Variants in ERC2 observed in about 807,000 individuals in gnomAD.
The protein encoded by ERC2 is ERC protein 2.
Under a neutral mutation model 114.8 loss-of-function variants are expected in ERC2, and 42 were observed. That is an observed-to-expected ratio of 0.37 (90% CI 0.29 to 0.47). ERC2 has a LOEUF of 0.47. ERC2 is among the 20% of genes least tolerant of loss of function. The pLI, the probability that ERC2 is intolerant of heterozygous loss-of-function variation, is 0.99. For missense variants in ERC2, 939 were observed against 1,150.7 expected (o/e 0.82, Z 2.66); for synonymous variants, 454 against 425.5 (o/e 1.07, Z -0.82).
intron 3 of ERC2, among the ~76,000 whole-genome samples, chr3:56,264,901 G>A (rs566687710): frequency 4.7e-5 from 7 of 149,884 alleles, no homozygotes; most frequent in Non-Finnish European, 1.0e-4. Context: ...TTTAACCAAG[G>A]AGGTGAAAGG....
At chr3:56,097,212 A>G (rs2078109941) in intron 6 of ERC2, among the ~76,000 whole-genome samples, 1 of 152,174 alleles carries the variant, frequency 6.6e-6, no homozygotes, top group Admixed American at 6.5e-5. Flanking sequence ...GCATTTTCAT[A>G]CTAAGGAACA....
At chr3:55,815,273 C>A (rs1575690477) in intron 14 of ERC2, among the ~76,000 whole-genome samples, 3 of 152,336 alleles carry the variant, frequency 2.0e-5, no homozygotes, top group East Asian at 3.9e-4. Context: ...TTGTTCCCTA[C>A]TGTTACACCC....
At chr3:55,991,250 C>T (rs2071035732) in intron 11 of ERC2, among the ~76,000 whole-genome samples, 2 of 152,192 alleles carry the variant, frequency 1.3e-5, no homozygotes, top group African/African-American at 2.4e-5. Context: ...ATTTGGTGAT[C>T]TCTTCCATAT....
At chr3:56,024,785 T>C (rs1279029893) in intron 7 of ERC2, among the ~76,000 whole-genome samples, 1 of 152,180 alleles carries the variant, frequency 6.6e-6, no homozygotes, top group Non-Finnish European at 1.5e-5. Flanking sequence ...CCTAAAACAA[T>C]TGCTCTGGAC....
At chr3:56,374,627 T>A (rs2150599495) in intron 2 of ERC2, among the ~76,000 whole-genome samples, 1 of 152,276 alleles carries the variant, frequency 6.6e-6, no homozygotes, top group East Asian at 1.9e-4. Flanking sequence ...CTGAAGGTCA[T>A]GAAACCAGTA....
At chr3:55,741,788 T>C (rs1318130651) in intron 14 of ERC2, among the ~76,000 whole-genome samples, 1 of 152,076 alleles carries the variant, frequency 6.6e-6, no homozygotes, top group African/African-American at 2.4e-5. Context: ...GAAGATAAGA[T>C]AATGTGAAGA....
At chr3:55,846,768 G>C (rs2061389653) in intron 14 of ERC2, among the ~76,000 whole-genome samples, 1 of 149,540 alleles carries the variant, frequency 6.7e-6, no homozygotes, top group African/African-American at 2.5e-5. Flanking sequence ...GTTTTGTCAG[G>C]AGAAGGGATT....
intron 17 of ERC2, among the ~76,000 whole-genome samples, chr3:55,532,503 C>T (rs1049152651): frequency 3.9e-5 from 6 of 152,158 alleles, no homozygotes; most frequent in Non-Finnish European, 8.8e-5. Flanking sequence ...ATAATGATGA[C>T]GATACTTTTT....
chr3:56,437,944 C>G (rs952635679), intron 1 of ERC2, among the ~76,000 whole-genome samples: 2 of 152,214 alleles, frequency 1.3e-5, no homozygotes, highest in East Asian at 3.9e-4. Flanking sequence ...ACCCTTTCAC[C>G]AGCAAAGAAG....
chr3:56,032,957 A>G lies in ERC2; in HGVS notation c.1642-13926T>C, dbSNP rs200866384. On this transcript the variant is annotated intron_variant, in intron 7 of 17. Coordinates refer to ENST00000288221, the MANE Select transcript of ERC2 (RefSeq NM_015576.3). ...AAAGAAAGAAAGAAAGAAAGAAAGA[A>G]ACAGAAAGAAAGAAAGAAAGAGAAA... Among the ~76,000 whole-genome samples, 43 of 48,372 alleles carry G rather than the reference A, an allele frequency of 8.9e-4. 1 individual carries two copies. The highest frequency in any genetic ancestry group is 2.1e-3 in the African/African-American group (33 of 16,030). 31.7% of individuals were successfully genotyped at this position (48,372 alleles called of 152,430 possible). A position where few individuals can be genotyped will look rare whatever the true frequency, so the allele number is the denominator to read the frequency against.
At position 55,775,585 on chromosome 3, in the gene ERC2, A is replaced by T. The variant is rs13322840; in HGVS notation, c.2565-40667T>A. Among the ~76,000 whole-genome samples, 43 of 111,004 alleles carry T rather than the reference A, an allele frequency of 3.9e-4. No homozygotes were observed. In the East Asian group the frequency reaches 4.3e-3, roughly 11 times the overall value. 72.8% of individuals were successfully genotyped at this position (111,004 alleles called of 152,430 possible). ...ATAAATAAATAAATAAATAAATAAA[A>T]AAGGAAAAAGTGAGACAGACAGAGA... On this transcript the variant is annotated intron_variant, in intron 14 of 17. Transcript: ENST00000288221.
intron 10 of ERC2, among the ~76,000 whole-genome samples, chr3:55,996,271 A>C (rs551864949): frequency 1.3e-5 from 2 of 152,230 alleles, no homozygotes; most frequent in Non-Finnish European, 2.9e-5. Flanking sequence ...TCAGGAATTT[A>C]CCTCTTAAAA....
At chr3:56,266,535 T>G (rs990031364) in intron 3 of ERC2, among the ~76,000 whole-genome samples, 9 of 152,170 alleles carry the variant, frequency 5.9e-5, no homozygotes, top group African/African-American at 2.2e-4. Flanking sequence ...TCACTAATCA[T>G]GATGGAAATA....
At chr3:55,770,505 C>T (rs1269190874) in intron 14 of ERC2, among the ~76,000 whole-genome samples, 2 of 152,196 alleles carry the variant, frequency 1.3e-5, no homozygotes, top group Non-Finnish European at 2.9e-5. Flanking sequence ...GCCCCCTTCC[C>T]CCTTTGATGG....
At chr3:55,997,480 T>G (rs1383922603) in intron 10 of ERC2, among the ~76,000 whole-genome samples, 2 of 148,928 alleles carry the variant, frequency 1.3e-5, no homozygotes, top group Admixed American at 1.3e-4. Context: ...AAAGAAAATT[T>G]TTAAGGTGAT....
chr3:55,626,347 T>C (rs1216723707), intron 17 of ERC2, among the ~76,000 whole-genome samples: 1 of 152,164 alleles, frequency 6.6e-6, no homozygotes, highest in Non-Finnish European at 1.5e-5. Context: ...TGGTGGTTAC[T>C]GATGTAAGGA....
rs73831804 is a variant in ERC2, at chr3:55,881,451, C to T, written c.2564+6938G>A. Among the ~76,000 whole-genome samples the T allele has an allele frequency of 9.8e-3, 1,493 of 152,204 alleles. 33 individuals are homozygous for T. Among genetic ancestry groups the T allele is most frequent in the African/African-American group, 0.034 (1,411 of 41,532 alleles). ...TGTTTGTATAAGCATAGGAAATCAC[C>T]ACAGAAAGTCTAAAATAAACATTTC... On this transcript the variant is annotated intron_variant, in intron 14 of 17. Transcript: ENST00000288221.
intron 17 of ERC2, among the ~76,000 whole-genome samples, chr3:55,581,319 A>T (rs1255973388): frequency 6.6e-6 from 1 of 152,240 alleles, no homozygotes; most frequent in Non-Finnish European, 1.5e-5. Context: ...AATACCATTT[A>T]GCCTGGCCCA....
At chr3:56,305,966 C>T (rs1379808513) in intron 2 of ERC2, among the ~76,000 whole-genome samples, 1 of 152,276 alleles carries the variant, frequency 6.6e-6, no homozygotes, top group East Asian at 1.9e-4. Context: ...TCTCATGCCT[C>T]GGCCTCCCAC....
Sources: gnomAD v4.1 joint callset for allele counts (sites outside exome capture counted in the v4.1 genomes callset) on GRCh38, gnomAD v4.1.1 for gene constraint, MANE v1.5 for transcripts, NCBI Gene and HGNC (gene_info 2026-07-23, HGNC 2026-07-21) for gene names.